DHX36: variants seen among roughly 807,000 people sequenced by gnomAD.
DHX36 encodes the protein ATP-dependent DNA/RNA helicase DHX36.
In DHX36, 50 loss-of-function variants were observed where a neutral mutation model predicts 139.0. The ratio of observed to expected loss-of-function variants is 0.36; its 90% CI spans 0.29 to 0.46. DHX36 has a LOEUF of 0.46. Among genes scored for constraint, DHX36 ranks in the 20% least tolerant of loss-of-function variants. The pLI is 1.00. For synonymous variants in DHX36, 425 were observed against 401.9 expected (o/e 1.06, Z -0.69); for missense variants, 1,024 against 1,211.3 (o/e 0.85, Z 2.29).
At position 154,309,635 on chromosome 3, in the gene DHX36, A is replaced by T. The variant is rs1712653432; in HGVS notation, c.813+18T>A. 6.4e-7 allele frequency: 1 copy of T among 1,569,204 alleles called. No homozygotes were observed. The highest frequency in any genetic ancestry group is 1.4e-5 in the African/African-American group (1 of 72,470). ...ACTTTTAAAAAGACAATTTTTAATA[A>T]GTTAAGAGATTACTTACTGAAATGG... On this transcript the variant is annotated intron_variant, in intron 5 of 24. Transcript: ENST00000496811.
intron 1 of DHX36, among the ~76,000 whole-genome samples, 180 bp from the exon 2 acceptor site, chr3:154,316,343 A>C (rs1471198380): frequency 6.6e-6 from 1 of 152,016 alleles, no homozygotes; most frequent in Non-Finnish European, 1.5e-5. Context: ...TAATTGTTAA[A>C]ATTTTCGTAC....
At chr3:154,316,203 GA>G (rs1161973881) in intron 1 of DHX36, 40 bp from the exon 2 acceptor site, 1 of 1,606,694 alleles carries the variant, frequency 6.2e-7, no homozygotes, top group Admixed American at 1.7e-5. Context: ...GTCAACATAA[GA>G]AAGCATATGC....
In DHX36 at chr3:154,288,847, A is replaced by C. The variant is rs1185103923; in HGVS notation, c.2031+19T>G. 4.2e-6 allele frequency: 6 copies of C among 1,442,198 alleles called. No homozygotes were observed. Among genetic ancestry groups the C allele is most frequent in the Middle Eastern group, 1.8e-4 (1 of 5,534 alleles). 89.3% of individuals were successfully genotyped at this position (1,442,198 alleles called of 1,614,324 possible). A position where few individuals can be genotyped will look rare whatever the true frequency, so the allele number is the denominator to read the frequency against. Reference sequence around the variant, plus strand: ...TAGTATTCTAAGTTAGAATTAAAAAAACAAGAAAACAAATTTACCAGCTCC... The same window carrying C: ...TAGTATTCTAAGTTAGAATTAAAAACACAAGAAAACAAATTTACCAGCTCC... On this transcript the variant is annotated intron_variant, in intron 17 of 24. Transcript: ENST00000496811.
intron 3 of DHX36, among the ~76,000 whole-genome samples, chr3:154,312,727 A>T (rs1712805858): frequency 1.3e-5 from 2 of 150,728 alleles, no homozygotes; most frequent in Admixed American, 6.6e-5. Context: ...CTGTAGTCCC[A>T]GCTACTTGGG....
chr3:154,323,609 G>A (rs1407169407), intron 1 of DHX36, among the ~76,000 whole-genome samples: 1 of 152,084 alleles, frequency 6.6e-6, no homozygotes, highest in Non-Finnish European at 1.5e-5. Flanking sequence ...TTTTCAAAGA[G>A]AATCTGCTCA....
intron 13 of DHX36, among the ~76,000 whole-genome samples, chr3:154,294,824 C>G (rs1460593189): frequency 6.6e-6 from 1 of 152,146 alleles, no homozygotes; most frequent in Non-Finnish European, 1.5e-5. Flanking sequence ...ATTAGGAAAG[C>G]GCCTGTATCT....
intron 3 of DHX36, among the ~76,000 whole-genome samples, chr3:154,314,440 T>C (rs1249810073): frequency 1.3e-5 from 2 of 152,174 alleles, no homozygotes; most frequent in African/African-American, 4.8e-5. Flanking sequence ...CAGAGTTTCC[T>C]CAGTAATTTC....
chr3:154,301,120 G>T lies in DHX36; in HGVS notation c.1225C>A (p.Pro409Thr). The stretch of plus-strand genomic sequence containing the variant: ...TGGGATCTGTGTTCTTTTTGTTCTG[G>T]AACATACCTAAAATAAAAACATTCT... ...EDVIEKIRYV[P>T]EQKEHRSQFK... Residue 409 changes from proline to threonine, a missense_variant, in exon 10 of 25, where the codon CCA becomes ACA. Transcript: ENST00000496811. The T allele has an allele frequency of 6.3e-7, 1 of 1,582,840 alleles. No individual in the cohort carries two copies. The highest frequency in any genetic ancestry group is 8.5e-7 in the Non-Finnish European group (1 of 1,172,164).
At chr3:154,306,120 C>A (rs113950643) in intron 6 of DHX36, 96 bp downstream of exon 6, 39 of 903,952 alleles carry the variant, frequency 4.3e-5, no homozygotes, top group Middle Eastern at 4.5e-4. Context: ...ATAGTAATAA[C>A]CATCATAAAA....
chr3:154,300,507 G>T (rs1000929364), intron 11 of DHX36, 87 bp downstream of exon 11: 1 of 997,556 alleles, frequency 1.0e-6, no homozygotes, highest in Non-Finnish European at 1.5e-6. Flanking sequence ...TATTTCATAA[G>T]CATTTAAGAA....
intron 12 of DHX36, 159 bp downstream of exon 12, chr3:154,299,679 A>C: frequency 3.0e-6 from 2 of 664,214 alleles, no homozygotes; most frequent in South Asian, 3.3e-5. Flanking sequence ...AATTGTGAAA[A>C]AGAAAGAAAA....
intron 17 of DHX36, among the ~76,000 whole-genome samples, chr3:154,285,639 T>C (rs1037549457): frequency 2.0e-5 from 3 of 152,036 alleles, no homozygotes; most frequent in Non-Finnish European, 1.5e-5. Flanking sequence ...GCTACCCTCA[T>C]CCCAAGCTTC....
intron 6 of DHX36, 22 bp from the exon 7 acceptor site, chr3:154,305,190 T>A (rs1712452680): frequency 6.3e-7 from 1 of 1,597,134 alleles, no homozygotes. Flanking sequence ...AGACATGAAT[T>A]AATAAGCCTT....
rs754807929 is a variant in DHX36, at chr3:154,292,675, C to T, written c.1690G>A (p.Val564Ile). 9.3e-6 allele frequency: 15 copies of T among 1,611,116 alleles called. No homozygotes were observed. The highest frequency in any genetic ancestry group is 8.4e-5 in the Admixed American group (5 of 59,768). Reference sequence around the variant, plus strand: ...ATTTTTCCTCCATCTATCACATAAACGACATCATCTATGGTAATGCTGTTT... The same window carrying T: ...ATTTTTCCTCCATCTATCACATAAATGACATCATCTATGGTAATGCTGTTT... ...AETSITIDDV[V>I]YVIDGGKIKE... The change falls in exon 15 of 25, where the codon GTT (valine) becomes ATT (isoleucine). Residue 564 changes from valine (V) to isoleucine (I), a missense_variant. This residue lies in a region of DHX36 where 470 missense variants were observed against 616.2 expected (regional missense o/e 0.76). Coordinates refer to ENST00000496811, the MANE Select transcript of DHX36 (RefSeq NM_020865.3).
rs1290555231 is a variant in DHX36 at position 154,309,647 on chromosome 3, A to G, written c.813+6T>C. 2 of 1,594,398 alleles carry G rather than the reference A, an allele frequency of 1.3e-6. No individual in the cohort carries two copies. Among genetic ancestry groups the G allele is most frequent in the Non-Finnish European group, 1.7e-6 (2 of 1,173,400 alleles). ...ACAATTTTTAATAAGTTAAGAGATT[A>G]CTTACTGAAATGGCACTAATTCTTC... On this transcript the variant is annotated splice_donor_region_variant and intron_variant, in intron 5 of 24. Coordinates refer to ENST00000496811, the MANE Select transcript of DHX36 (RefSeq NM_020865.3).
chr3:154,292,720 T>C (rs764568170), intron 14 of DHX36, 26 bp from the exon 15 acceptor site: 2 of 1,579,228 alleles, frequency 1.3e-6, no homozygotes, highest in Non-Finnish European at 1.7e-6. Context: ...ATATATAAAA[T>C]GTTAAAACAC....
chr3:154,317,428 CTCT>C (rs1229791399), intron 1 of DHX36, among the ~76,000 whole-genome samples: 1 of 151,934 alleles, frequency 6.6e-6, no homozygotes, highest in East Asian at 1.9e-4. Flanking sequence ...CACAGGAATT[CTCT>C]TAATTTACAA....
chr3:154,274,365 C>T lies in DHX36; in HGVS notation c.*1806G>A. On this transcript the variant is annotated 3_prime_UTR_variant, in exon 25 of 25. Transcript: ENST00000496811. ...AAAACCAACAAAAAACTAACAATAT[C>T]CTATTAAAAGTGGCTTAAACAATTG... The T allele has an allele frequency of 5.4e-6, 1 of 185,716 alleles. No homozygotes were observed. The highest frequency in any genetic ancestry group is 1.1e-5 in the Non-Finnish European group (1 of 91,144). 11.5% of individuals were successfully genotyped at this position (185,716 alleles called of 1,614,324 possible). A position where few individuals can be genotyped will look rare whatever the true frequency, so the allele number is the denominator to read the frequency against.
chr3:154,317,370 G>A (rs967814775), intron 1 of DHX36, among the ~76,000 whole-genome samples: 1 of 152,010 alleles, frequency 6.6e-6, no homozygotes. Flanking sequence ...TGTTTTTAGA[G>A]TTATGATAGA....
Sources: gnomAD v4.1 joint callset for allele counts (sites outside exome capture counted in the v4.1 genomes callset) on GRCh38, gnomAD v4.1.1 for gene constraint, gnomAD v4.1.1 regional missense constraint, MANE v1.5 for transcripts, NCBI Gene and HGNC (gene_info 2026-07-23, HGNC 2026-07-21) for gene names.